Variants in TRDN observed in about 807,000 individuals in gnomAD.
The protein encoded by TRDN is triadin.
TRDN carries 161 observed loss-of-function variants against 149.7 expected under a neutral mutation model. The observed-to-expected ratio is 1.08, with a 90% CI of 0.95 to 1.23. The LOEUF (loss-of-function observed/expected upper bound fraction) is 1.23, where lower values mean the gene tolerates loss of function less well. TRDN is among the 50% of genes most tolerant of loss of function. The pLI, the probability that TRDN is intolerant of heterozygous loss-of-function variation, is 0.00. For missense variants in TRDN, 896 were observed against 823.5 expected (o/e 1.09, Z -1.08); for synonymous variants, 294 against 250.5 (o/e 1.17, Z -1.64).
At chr6:123,587,224 C>G (rs188486394) in intron 1 of TRDN, among the ~76,000 whole-genome samples, 5 of 152,218 alleles carry the variant, frequency 3.3e-5, no homozygotes, top group East Asian at 1.9e-4. Context: ...GAAACCTGGA[C>G]GAATAATCAG....
intron 9 of TRDN, among the ~76,000 whole-genome samples, chr6:123,475,460 G>T (rs1264832180): frequency 3.9e-5 from 4 of 102,872 alleles, no homozygotes; most frequent in African/African-American, 1.6e-4. Context: ...TGGATTCACA[G>T]CCGAATTCTA....
chr6:123,236,784 A>G (rs1775803808), intron 38 of TRDN, among the ~76,000 whole-genome samples: 2 of 152,154 alleles, frequency 1.3e-5, no homozygotes, highest in Admixed American at 6.5e-5. Flanking sequence ...TTTTAACACT[A>G]CATTGATCTA....
At chr6:123,501,428 A>G (rs1262234166) in intron 8 of TRDN, among the ~76,000 whole-genome samples, 1 of 151,762 alleles carries the variant, frequency 6.6e-6, no homozygotes, top group Admixed American at 6.6e-5. Flanking sequence ...AGCTAACTCA[A>G]CTAAGTCATC....
chr6:123,279,047 A>G lies in TRDN; in HGVS notation c.1537+9T>C, dbSNP rs778065642. 10 of 1,608,004 alleles carry G rather than the reference A, an allele frequency of 6.2e-6. No individual in the cohort carries two copies. The highest frequency in any genetic ancestry group is 8.5e-6 in the Non-Finnish European group (10 of 1,177,462). On this transcript the variant is annotated intron_variant, in intron 25 of 40. Coordinates refer to ENST00000334268, the MANE Select transcript of TRDN (RefSeq NM_006073.4). The stretch of plus-strand genomic sequence containing the variant: ...ACGTGTTTGTTTATTGAGCATGCAT[A>G]TAACATACGTGGAGGTTTAGGCTTG...
chr6:123,335,296 C>A lies in TRDN; in HGVS notation c.1420+2323G>T, dbSNP rs557799687. 2.4e-4 allele frequency among the ~76,000 whole-genome samples: 37 copies of A among 151,786 alleles called. 1 individual carries two copies. In the South Asian group the frequency reaches 5.6e-3, roughly 23 times the overall value. The stretch of plus-strand genomic sequence containing the variant: ...ATCCTAAATCAATAATCATATGCTG[C>A]AAACCTTTATATATGTAATTTTCTA... On this transcript the variant is annotated intron_variant, in intron 22 of 40. Transcript: ENST00000334268.
In TRDN at chr6:123,233,306, G is replaced by A. The variant is rs150051665; in HGVS notation, c.1976-9175C>T. Among the ~76,000 whole-genome samples the A allele has an allele frequency of 2.4e-3, 369 of 152,098 alleles. 1 individual carries two copies. The highest frequency in any genetic ancestry group is 8.1e-3 in the African/African-American group (338 of 41,512). On this transcript the variant is annotated intron_variant, in intron 38 of 40. Coordinates refer to ENST00000334268, the MANE Select transcript of TRDN (RefSeq NM_006073.4). Reference sequence around the variant, plus strand: ...ATGTGCTATTATTTAAAGTAATAACGAGTTTTAAAGAAAATGAACTGCTAC... The same window carrying A: ...ATGTGCTATTATTTAAAGTAATAACAAGTTTTAAAGAAAATGAACTGCTAC...
At chr6:123,275,007 G>C (rs1777323557) in intron 26 of TRDN, among the ~76,000 whole-genome samples, 2 of 152,066 alleles carry the variant, frequency 1.3e-5, no homozygotes, top group Non-Finnish European at 2.9e-5. Context: ...TTTTTTCTAA[G>C]ATGATTATTG....
Position 123,366,249 on chromosome 6 carries a change from A to C in TRDN, c.1274-67T>G. Reference sequence around the variant, plus strand: ...TGATGCCAAATTCACATCTTATACTATTGAGAATAAAATTAAAGATAAAAT... The same window carrying C: ...TGATGCCAAATTCACATCTTATACTCTTGAGAATAAAATTAAAGATAAAAT... On this transcript the variant is annotated intron_variant, in intron 19 of 40. Transcript: ENST00000334268. 9.9e-6 allele frequency: 14 copies of C among 1,412,064 alleles called. 1 individual carries two copies. In the South Asian group the frequency reaches 1.6e-4, roughly 16 times the overall value. 87.5% of individuals were successfully genotyped at this position (1,412,064 alleles called of 1,614,324 possible).
intron 24 of TRDN, among the ~76,000 whole-genome samples, chr6:123,312,774 G>T (rs1222292900): frequency 6.6e-6 from 1 of 151,884 alleles, no homozygotes; most frequent in Non-Finnish European, 1.5e-5. Context: ...ACTTCCTAGG[G>T]AACCCTTCAC....
chr6:123,615,875 T>G (rs1293001624), intron 1 of TRDN, among the ~76,000 whole-genome samples: 1 of 152,160 alleles, frequency 6.6e-6, no homozygotes, highest in Non-Finnish European at 1.5e-5. Flanking sequence ...TTTTTGCATA[T>G]TTTTAATAGC....
chr6:123,360,913 A>G lies in TRDN; in HGVS notation c.1321+5222T>C, dbSNP rs184475430. On this transcript the variant is annotated intron_variant, in intron 20 of 40. Transcript: ENST00000334268. The stretch of plus-strand genomic sequence containing the variant: ...GGAGAAACTGGTCCTGAAGAGAAGG[A>G]GAAACACTACCTCTGAGATTAAAAG... 4.2e-4 allele frequency among the ~76,000 whole-genome samples: 64 copies of G among 152,326 alleles called. No homozygotes were observed. The East Asian group carries it at 9.8e-3, about 23-fold the overall frequency.
At chr6:123,374,026 A>T (rs930948788) in intron 19 of TRDN, among the ~76,000 whole-genome samples, 5 of 152,236 alleles carry the variant, frequency 3.3e-5, no homozygotes, top group African/African-American at 1.2e-4. Flanking sequence ...CCTTGTTATC[A>T]GATAATTTAA....
At chr6:123,377,845 G>A in intron 17 of TRDN, 21 bp downstream of exon 17, 2 of 1,593,454 alleles carry the variant, frequency 1.3e-6, no homozygotes, top group African/African-American at 1.3e-5. Flanking sequence ...TGTGAGAACA[G>A]AGGAATTTAA....
Position 123,401,455 on chromosome 6 carries a change from A to C in TRDN, c.1052-7778T>G, listed in dbSNP as rs556903478. ...TGAGAAAACACGTCTCCAAATAATT[A>C]CTGAGGTTTGTCACTTACTCTTCTG... On this transcript the variant is annotated intron_variant, in intron 12 of 40. Transcript: ENST00000334268. Among the ~76,000 whole-genome samples the C allele has an allele frequency of 6.6e-4, 100 of 152,290 alleles. 1 individual carries two copies. Among genetic ancestry groups the C allele is most frequent in the African/African-American group, 2.2e-3 (91 of 41,560 alleles).
intron 10 of TRDN, among the ~76,000 whole-genome samples, chr6:123,446,450 T>C (rs952961288): frequency 2.0e-5 from 3 of 151,354 alleles, no homozygotes; most frequent in African/African-American, 4.9e-5. Context: ...GGTGGCGTGG[T>C]GGTGGGCACC....
At chr6:123,611,723 A>G (rs1004003297) in intron 1 of TRDN, among the ~76,000 whole-genome samples, 1 of 152,162 alleles carries the variant, frequency 6.6e-6, no homozygotes, top group African/African-American at 2.4e-5. Flanking sequence ...GACTCTTCAT[A>G]CAATTTTTTC....
intron 1 of TRDN, among the ~76,000 whole-genome samples, chr6:123,610,794 C>T (rs1167473410): frequency 6.6e-6 from 1 of 152,122 alleles, no homozygotes; most frequent in East Asian, 1.9e-4. Flanking sequence ...TTTTTCATAA[C>T]ATTTAACAAA....
At chr6:123,460,347 C>T (rs1776376793) in intron 10 of TRDN, among the ~76,000 whole-genome samples, 1 of 152,214 alleles carries the variant, frequency 6.6e-6, no homozygotes, top group East Asian at 1.9e-4. Context: ...TAAGAAATTT[C>T]CTGATGTAAA....
intron 38 of TRDN, among the ~76,000 whole-genome samples, chr6:123,243,559 G>T (rs1408080288): frequency 6.6e-6 from 1 of 151,958 alleles, no homozygotes; most frequent in Non-Finnish European, 1.5e-5. Context: ...ATATGAATCG[G>T]AAATTTAAAA....
Sources: allele counts gnomAD v4.1 joint callset (sites outside exome capture counted in the v4.1 genomes callset), GRCh38; gene constraint gnomAD v4.1.1; transcripts MANE v1.5; gene names NCBI Gene and HGNC (gene_info 2026-07-23, HGNC 2026-07-21).